Variants in CHCHD6 observed in about 807,000 individuals in gnomAD.
CHCHD6 encodes the protein coiled-coil-helix-coiled-coil-helix domain containing 6.
CHCHD6 carries 28 observed loss-of-function variants against 32.3 expected under a neutral mutation model. That is an observed-to-expected ratio of 0.87 (90% CI 0.64 to 1.19). The LOEUF (loss-of-function observed/expected upper bound fraction) is 1.19, where lower values mean the gene tolerates loss of function less well. Ranked by LOEUF, CHCHD6 falls within the 50% of genes most tolerant of loss-of-function variation. The probability of loss-of-function intolerance (pLI) is 0.00; values close to 1 mark genes in which losing one functional copy is unlikely to be tolerated. For missense variants in CHCHD6, 333 were observed against 307.0 expected (o/e 1.08, Z -0.63); for synonymous variants, 122 against 117.5 (o/e 1.04, Z -0.25).
At chr3:126,842,169 A>G (rs1367236874) in intron 4 of CHCHD6, among the ~76,000 whole-genome samples, 1 of 152,200 alleles carries the variant, frequency 6.6e-6, no homozygotes, top group Non-Finnish European at 1.5e-5. Flanking sequence ...TGGAAGTATC[A>G]CTTAAGCCCA....
chr3:126,931,242 G>A (rs988074233), intron 6 of CHCHD6, among the ~76,000 whole-genome samples: 2 of 152,252 alleles, frequency 1.3e-5, no homozygotes, highest in African/African-American at 4.8e-5. Context: ...TGTGGAGTCA[G>A]CCTTGGGTTT....
intron 5 of CHCHD6, among the ~76,000 whole-genome samples, chr3:126,901,007 A>ACC (rs564394949): frequency 2.0e-5 from 3 of 149,158 alleles, no homozygotes; most frequent in Non-Finnish European, 4.5e-5. Flanking sequence ...TGATGCAAAC[A>ACC]CCCCCCCCAG....
intron 6 of CHCHD6, among the ~76,000 whole-genome samples, chr3:126,937,830 T>TG (rs1430774682): frequency 1.3e-5 from 2 of 151,726 alleles, no homozygotes; most frequent in Non-Finnish European, 2.9e-5. Context: ...CTGGAGGGTG[T>TG]GGGGGGAGAT....
At chr3:126,719,819 C>T (rs532423620) in intron 1 of CHCHD6, among the ~76,000 whole-genome samples, 27 of 152,130 alleles carry the variant, frequency 1.8e-4, no homozygotes, top group Non-Finnish European at 3.5e-4. Flanking sequence ...GCTCCCTTGT[C>T]TGTTTGCCTC....
intron 5 of CHCHD6, among the ~76,000 whole-genome samples, chr3:126,909,100 G>A (rs550881474): frequency 2.0e-5 from 3 of 152,302 alleles, no homozygotes; most frequent in African/African-American, 7.2e-5. Flanking sequence ...CTCCCGTGGC[G>A]CCCAGCACAG....
intron 5 of CHCHD6, among the ~76,000 whole-genome samples, chr3:126,911,002 T>G (rs2078081631): frequency 6.6e-6 from 1 of 152,202 alleles, no homozygotes. Context: ...ACACCCTCCA[T>G]GCTTTCCATT....
intron 4 of CHCHD6, among the ~76,000 whole-genome samples, chr3:126,783,290 T>C (rs546267755): frequency 1.2e-4 from 18 of 152,350 alleles, no homozygotes; most frequent in African/African-American, 2.9e-4. Flanking sequence ...AGCATTCATA[T>C]AGAAGAAATG....
At chr3:126,708,296 G>A (rs1363564814) in intron 1 of CHCHD6, among the ~76,000 whole-genome samples, 1 of 152,198 alleles carries the variant, frequency 6.6e-6, no homozygotes, top group Non-Finnish European at 1.5e-5. Flanking sequence ...AGTAACCCAA[G>A]GTCACAGTGC....
chr3:126,894,221 G>A (rs1044103741), intron 5 of CHCHD6, among the ~76,000 whole-genome samples: 5 of 152,328 alleles, frequency 3.3e-5, no homozygotes, highest in African/African-American at 4.8e-5. Context: ...CTGGCACTGC[G>A]CAGTGAAGGC....
At chr3:126,777,602 A>T (rs1052190800) in intron 4 of CHCHD6, among the ~76,000 whole-genome samples, 1 of 152,096 alleles carries the variant, frequency 6.6e-6, no homozygotes, top group Non-Finnish European at 1.5e-5. Flanking sequence ...CACACTGCAT[A>T]CTTCCCACTC....
chr3:126,756,243 G>A (rs1936954784), intron 4 of CHCHD6, among the ~76,000 whole-genome samples: 1 of 152,150 alleles, frequency 6.6e-6, no homozygotes, highest in Admixed American at 6.5e-5. Flanking sequence ...AAATAGAGAT[G>A]GCAGAAGCCT....
intron 4 of CHCHD6, chr3:126,780,300 T>C: frequency 2.4e-6 from 1 of 416,746 alleles, no homozygotes; most frequent in Non-Finnish European, 4.8e-6. Flanking sequence ...TTTAGTTTTT[T>C]CTATTAATTT....
intron 4 of CHCHD6, among the ~76,000 whole-genome samples, chr3:126,833,970 C>T (rs989667628): frequency 2.2e-5 from 3 of 138,148 alleles, no homozygotes; most frequent in African/African-American, 8.3e-5. Flanking sequence ...AGGAGAATGG[C>T]GTGAACCCGG....
chr3:126,915,444 T>C (rs1459904239), intron 6 of CHCHD6, among the ~76,000 whole-genome samples: 1 of 152,212 alleles, frequency 6.6e-6, no homozygotes, highest in African/African-American at 2.4e-5. Context: ...AAGTGATTCT[T>C]GTGGGAAGGA....
intron 6 of CHCHD6, among the ~76,000 whole-genome samples, chr3:126,946,338 T>C (rs2078638526): frequency 6.6e-6 from 1 of 152,214 alleles, no homozygotes; most frequent in African/African-American, 2.4e-5. Flanking sequence ...ATTCTTTATT[T>C]TTTTCCAACA....
In CHCHD6 at chr3:126,840,187, C is replaced by T. The variant is rs956471622; in HGVS notation, c.412-12460C>T. 4.6e-5 allele frequency among the ~76,000 whole-genome samples: 7 copies of T among 152,090 alleles called. No individual in the cohort carries two copies. In the South Asian group the frequency reaches 6.2e-4, roughly 14 times the overall value. On this transcript the variant is annotated intron_variant, in intron 4 of 7. Coordinates refer to ENST00000290913, the MANE Select transcript of CHCHD6 (RefSeq NM_032343.3). ...GATATTCCATTATATAGATATACCACGTTTTAAAATTCATCTGTTAGTTGA... is the reference window on the plus strand; with the variant it reads ...GATATTCCATTATATAGATATACCATGTTTTAAAATTCATCTGTTAGTTGA...
intron 4 of CHCHD6, among the ~76,000 whole-genome samples, chr3:126,816,275 A>G (rs537248510): frequency 6.6e-6 from 1 of 152,328 alleles, no homozygotes; most frequent in Admixed American, 6.5e-5. Context: ...GCACTGAGCC[A>G]GGCACATGGG....
At chr3:126,841,437 T>C (rs1245781018) in intron 4 of CHCHD6, among the ~76,000 whole-genome samples, 1 of 152,220 alleles carries the variant, frequency 6.6e-6, no homozygotes, top group African/African-American at 2.4e-5. Context: ...GCCTGTTCCC[T>C]GAAGCCCTTA....
intron 5 of CHCHD6, among the ~76,000 whole-genome samples, chr3:126,872,355 G>A (rs572622306): frequency 2.0e-5 from 3 of 152,308 alleles, no homozygotes; most frequent in Non-Finnish European, 4.4e-5. Flanking sequence ...GAGCAACATT[G>A]TGAAACTCTG....
Sources: allele counts gnomAD v4.1 joint callset (sites outside exome capture counted in the v4.1 genomes callset), GRCh38; gene constraint gnomAD v4.1.1; transcripts MANE v1.5; gene names NCBI Gene and HGNC (gene_info 2026-07-23, HGNC 2026-07-21).